Variants in CPLANE1 observed in about 807,000 individuals in gnomAD.
CPLANE1 encodes ciliogenesis and planar polarity effector complex subunit 1.
CPLANE1 carries 263 observed loss-of-function variants against 362.5 expected under a neutral mutation model. That is an observed-to-expected ratio of 0.73 (90% CI 0.66 to 0.80). The LOEUF (loss-of-function observed/expected upper bound fraction) is 0.80, where lower values mean the gene tolerates loss of function less well. Ranked by LOEUF, CPLANE1 falls within the 30% of genes least tolerant of loss-of-function variation. The probability of loss-of-function intolerance (pLI) is 0.00; values close to 1 mark genes in which losing one functional copy is unlikely to be tolerated. For missense variants in CPLANE1, 3,461 were observed against 3,793.4 expected, an observed-to-expected ratio of 0.91 and a Z score of 2.30; for synonymous variants, 1,212 against 1,302.6, an observed-to-expected ratio of 0.93 and a Z score of 1.50.
rs1767051199 is a variant in CPLANE1, at chr5:37,134,676, G to T, written c.8792+4044C>A. The stretch of plus-strand genomic sequence containing the variant: ...TGATTTTAGTTACTTATTTTCTTTT[G>T]CTAGCTCTGGGGTTAATTTGTTCTT... On this transcript the variant is annotated intron_variant, in intron 46 of 52. Transcript: ENST00000651892. 2.0e-5 allele frequency among the ~76,000 whole-genome samples: 3 copies of T among 151,812 alleles called. No homozygotes were observed. The South Asian group carries it at 6.2e-4, about 32-fold the overall frequency.
At chr5:37,166,975 C>T (rs1778414457) in intron 35 of CPLANE1, 72 bp downstream of exon 35, 1 of 1,239,452 alleles carries the variant, frequency 8.1e-7, no homozygotes, top group Non-Finnish European at 1.2e-6. Flanking sequence ...AACCAGATTA[C>T]TGTGTGATTA....
At chr5:37,181,666 T>A (rs1002023384) in intron 26 of CPLANE1, among the ~76,000 whole-genome samples, 1 of 151,988 alleles carries the variant, frequency 6.6e-6, no homozygotes, top group Non-Finnish European at 1.5e-5. Context: ...AATTTAAAAA[T>A]TAGTCAGGCA....
the CPLANE1 span, among the ~76,000 whole-genome samples, chr5:37,086,803 G>A: frequency 2.0e-5 from 3 of 152,188 alleles, no homozygotes; most frequent in African/African-American, 7.2e-5. Flanking sequence ...GGAATGACAA[G>A]CATAATATCT....
chr5:37,243,409 A>G (rs886418653), intron 5 of CPLANE1, among the ~76,000 whole-genome samples: 4 of 151,860 alleles, frequency 2.6e-5, no homozygotes, highest in Admixed American at 2.0e-4. Flanking sequence ...TTATACTTTT[A>G]TACTATTTAA....
rs779569678 is a variant in CPLANE1 at position 37,168,945 on chromosome 5, G to C, written c.7079C>G (p.Pro2360Arg). 8.7e-6 allele frequency: 14 copies of C among 1,614,026 alleles called. No individual in the cohort carries two copies. The highest frequency in any genetic ancestry group is 4.0e-5 in the African/African-American group (3 of 74,912). The change falls in exon 34 of 53, where the codon CCG becomes CGG. Residue 2360 changes from proline (P) to arginine (R), a missense_variant. Transcript: ENST00000651892. ...AGGTTTAAGTGGCAGGTATAGTAACGGAAGTCCAAAGGAATGGTGAGGAGA... is the reference window on the plus strand; with the variant it reads ...AGGTTTAAGTGGCAGGTATAGTAACCGAAGTCCAAAGGAATGGTGAGGAGA... Reference protein sequence around the residue: ...EISPHHSFGLPLLYLPLKPPN... With the variant: ...EISPHHSFGLRLLYLPLKPPN...
At chr5:37,096,275 T>C in the CPLANE1 span, among the ~76,000 whole-genome samples, 1 of 152,168 alleles carries the variant, frequency 6.6e-6, no homozygotes, top group Non-Finnish European at 1.5e-5. Context: ...AAGTGATCTT[T>C]GACAAAGCAA....
intron 26 of CPLANE1, 131 bp downstream of exon 26, chr5:37,182,628 TA>T: frequency 1.5e-6 from 1 of 645,290 alleles, no homozygotes; most frequent in Non-Finnish European, 2.5e-6. Context: ...AAATAGGAGA[TA>T]CTGATTATAA....
intron 15 of CPLANE1, among the ~76,000 whole-genome samples, chr5:37,218,813 T>G (rs1420732242): frequency 2.0e-5 from 3 of 151,900 alleles, no homozygotes; most frequent in Admixed American, 1.3e-4. Flanking sequence ...CTAGGCATGG[T>G]GGCAGGCGCC....
the CPLANE1 span, among the ~76,000 whole-genome samples, chr5:37,095,025 T>C: frequency 2.0e-5 from 3 of 152,192 alleles, no homozygotes; most frequent in East Asian, 3.9e-4. Flanking sequence ...TTGGCACCAA[T>C]CCTATTGACA....
chr5:37,174,539 T>A (rs963086093), intron 31 of CPLANE1, among the ~76,000 whole-genome samples: 1 of 151,898 alleles, frequency 6.6e-6, no homozygotes, highest in African/African-American at 2.4e-5. Context: ...CAAATAAAAA[T>A]TAAGGATCAA....
At chr5:37,116,740 C>T (rs1761130266) in intron 50 of CPLANE1, among the ~76,000 whole-genome samples, 1 of 152,148 alleles carries the variant, frequency 6.6e-6, no homozygotes, top group Non-Finnish European at 1.5e-5. Flanking sequence ...TTCAGAAAAA[C>T]TCTTCATTTA....
the CPLANE1 span, among the ~76,000 whole-genome samples, chr5:37,084,693 T>C: frequency 6.6e-6 from 1 of 151,976 alleles, no homozygotes; most frequent in Non-Finnish European, 1.5e-5. Flanking sequence ...AGCAGGAGAA[T>C]TGCTTGAACC....
chr5:37,110,803 C>CCT (rs1758980640), intron 51 of CPLANE1, among the ~76,000 whole-genome samples: 1 of 125,046 alleles, frequency 8.0e-6, no homozygotes, highest in African/African-American at 3.1e-5. Context: ...AATGTATTAA[C>CCT]TTTTTTTTTT....
At chr5:37,075,954 TGGAAACAG>T in the CPLANE1 span, among the ~76,000 whole-genome samples, 1 of 151,648 alleles carries the variant, frequency 6.6e-6, no homozygotes, top group African/African-American at 2.4e-5. Context: ...ACTTAAGAAA[TGGAAACAG>T]GCTGGGCACG....
At chr5:37,076,291 C>CT in the CPLANE1 span, among the ~76,000 whole-genome samples, 10 of 151,152 alleles carry the variant, frequency 6.6e-5, no homozygotes, top group South Asian at 2.1e-3. Flanking sequence ...AAAATTTGGG[C>CT]TGGGGGGAGC....
chr5:37,172,679 C>T (rs896554202), intron 32 of CPLANE1, among the ~76,000 whole-genome samples: 21 of 152,178 alleles, frequency 1.4e-4, no homozygotes, highest in African/African-American at 5.1e-4. Flanking sequence ...ATCAAGGCCC[C>T]TAAGTTCAAA....
At position 37,222,886 on chromosome 5, in the gene CPLANE1, C is replaced by T. The variant is rs534272186; in HGVS notation, c.2581+1367G>A. On this transcript the variant is annotated intron_variant, in intron 14 of 52. Coordinates refer to ENST00000651892, the MANE Select transcript of CPLANE1 (RefSeq NM_001384732.1). ...TTTTCTTGCCTCCAAGTAAAACCCA[C>T]GCCCCTATGTCATAGTCCTGCAACT... Among the ~76,000 whole-genome samples, 7 of 152,332 alleles carry T rather than the reference C, an allele frequency of 4.6e-5. No homozygotes were observed. The East Asian group carries it at 7.7e-4, about 17-fold the overall frequency.
chr5:37,097,890 C>A, the CPLANE1 span, among the ~76,000 whole-genome samples: 3 of 152,070 alleles, frequency 2.0e-5, no homozygotes, highest in Non-Finnish European at 4.4e-5. Context: ...GATTAAATGT[C>A]CTACTTAAAA....
At chr5:37,187,108 A>G (rs1030595508) in intron 23 of CPLANE1, among the ~76,000 whole-genome samples, 4 of 148,962 alleles carry the variant, frequency 2.7e-5, no homozygotes, top group Non-Finnish European at 3.0e-5. Flanking sequence ...TATATTGTAC[A>G]TTGGATCCCT....
Sources: gnomAD v4.1 joint callset for allele counts (sites outside exome capture counted in the v4.1 genomes callset) on GRCh38, gnomAD v4.1.1 for gene constraint, MANE v1.5 for transcripts, NCBI Gene and HGNC (gene_info 2026-07-23, HGNC 2026-07-21) for gene names.